LRRK2: variants seen among roughly 807,000 people sequenced by gnomAD.
The protein encoded by LRRK2 is leucine rich repeat kinase 2.
LRRK2 carries 203 observed loss-of-function variants against 302.6 expected under a neutral mutation model. The observed-to-expected ratio is 0.67, with a 90% confidence interval of 0.60 to 0.75. LRRK2 has a LOEUF of 0.75. LRRK2 is among the 30% of genes least tolerant of loss of function. The pLI is 0.00. For missense variants in LRRK2, 2,830 were observed against 2,951.0 expected (o/e 0.96, Z 0.95); for synonymous variants, 1,066 against 1,031.9 (o/e 1.03, Z -0.63).
At chr12:40,325,400 A>G (rs1163410846) in intron 38 of LRRK2, among the ~76,000 whole-genome samples, 1 of 152,238 alleles carries the variant, frequency 6.6e-6, no homozygotes, top group Non-Finnish European at 1.5e-5. Flanking sequence ...TCCCATGTTC[A>G]TTTACAGAAA....
intron 42 of LRRK2, 120 bp downstream of exon 42, chr12:40,347,043 C>G (rs1265923229): frequency 1.3e-6 from 1 of 752,430 alleles, no homozygotes; most frequent in African/African-American, 1.8e-5. Flanking sequence ...TTGTTTAGTG[C>G]ATAAATATTC....
At position 40,298,376 on chromosome 12, in the gene LRRK2, A is replaced by G. The variant is rs1242013129; in HGVS notation, c.3230A>G (p.Asp1077Gly). The change falls in exon 24 of 51, where the codon GAT becomes GGT. Residue 1077 changes from aspartate to glycine, a missense_variant. Asp to Gly is a moderately conservative substitution (Grantham distance 94, BLOSUM62 -1). This residue lies in a region of LRRK2 where 2,121 missense variants were observed against 2,148.0 expected (regional missense o/e 0.99). Coordinates refer to ENST00000298910, the MANE Select transcript of LRRK2 (RefSeq NM_198578.4). Reference protein sequence around the residue: ...RNDIGPSVVLDPTVKCPTLKQ... With the variant: ...RNDIGPSVVLGPTVKCPTLKQ... ...GACATTGGACCCTCAGTGGTTTTAG[A>G]TCCTACAGTGAAATGTCCAACTCTG... 2 of 1,613,946 alleles carry G rather than the reference A, an allele frequency of 1.2e-6. No individual in the cohort carries two copies. Among genetic ancestry groups the G allele is most frequent in the Non-Finnish European group, 1.7e-6 (2 of 1,179,958 alleles).
chr12:40,310,254 G>A (rs1021958734), intron 30 of LRRK2, among the ~76,000 whole-genome samples, 177 bp from the exon 31 acceptor site: 7 of 151,872 alleles, frequency 4.6e-5, no homozygotes, highest in African/African-American at 1.7e-4. Context: ...AATGTCGTAA[G>A]GTTACATTTT....
In LRRK2 at chr12:40,274,922, G is replaced by A. The variant is rs752380619; in HGVS notation, c.1870G>A (p.Gly624Arg). 17 of 1,613,624 alleles carry A rather than the reference G, an allele frequency of 1.1e-5. No homozygotes were observed. Among genetic ancestry groups the A allele is most frequent in the Middle Eastern group, 1.6e-4 (1 of 6,078 alleles). Reference protein sequence around the residue: ...ITKKNVFIGTGHLLAKILVSS... With the variant: ...ITKKNVFIGTRHLLAKILVSS... ...AAAGAAGAATGTGTTCATAGGAACT[G>A]GACATCTGCTGGCAAAAATTCTGGT... is the stretch of plus-strand genomic sequence containing the variant. The change falls in exon 16 of 51, where the codon GGA becomes AGA. Residue 624 changes from glycine to arginine, a missense_variant. Coordinates refer to ENST00000298910, the MANE Select transcript of LRRK2 (RefSeq NM_198578.4).
At chr12:40,365,974 A>T (rs1429400034) in intron 49 of LRRK2, 1 of 151,992 alleles carries the variant, frequency 6.6e-6, no homozygotes, top group Non-Finnish European at 1.5e-5. Flanking sequence ...AAGTTGTTGC[A>T]TTCTCTAGTT....
chr12:40,288,419 C>T (rs2136679350), intron 20 of LRRK2, among the ~76,000 whole-genome samples: 1 of 151,874 alleles, frequency 6.6e-6, no homozygotes, highest in African/African-American at 2.4e-5. Context: ...CATCCCCTTC[C>T]CCTGGCCCCC....
rs764408585 is a variant in LRRK2, at chr12:40,322,459, G to A, written c.5458G>A (p.Glu1820Lys). 8 of 1,613,106 alleles carry A rather than the reference G, an allele frequency of 5.0e-6. No homozygotes were observed. Among genetic ancestry groups the A allele is most frequent in the East Asian group, 2.2e-5 (1 of 44,850 alleles). The change falls in exon 37 of 51, where the codon GAA becomes AAA. Residue 1820 changes from glutamate (E) to lysine (K), a missense_variant. This residue lies in a region of LRRK2 where 2,121 missense variants were observed against 2,148.0 expected (regional missense o/e 0.99). Transcript: ENST00000298910. ...GGCATTATATAGTTTTAATGATGGT[G>A]AAGAACATCAAAAAATCTTACTTGA... ...KWALYSFNDG[E>K]EHQKILLDDL... is the part of the protein sequence containing the mutation.
chr12:40,271,486 A>C (rs1197801320), intron 14 of LRRK2, among the ~76,000 whole-genome samples: 1 of 152,160 alleles, frequency 6.6e-6, no homozygotes, highest in Admixed American at 6.6e-5. Flanking sequence ...AGAGTAAAAA[A>C]GCATAGGTGG....
intron 39 of LRRK2, among the ~76,000 whole-genome samples, chr12:40,332,675 G>A (rs1440859943): frequency 6.6e-6 from 1 of 152,122 alleles, no homozygotes; most frequent in Non-Finnish European, 1.5e-5. Context: ...CAGTCACACT[G>A]TAGTTCTAGA....
chr12:40,233,173 C>T (rs1370200966), intron 3 of LRRK2, among the ~76,000 whole-genome samples: 1 of 152,160 alleles, frequency 6.6e-6, no homozygotes, highest in Non-Finnish European at 1.5e-5. Flanking sequence ...GCCGAGATTG[C>T]ACCACTGCAC....
rs35333613 is a variant in LRRK2, at chr12:40,228,433, C to CTTT, written c.237+2813_237+2815dup. On this transcript the variant is annotated intron_variant, in intron 2 of 50. Transcript: ENST00000298910. ...ATCTTTTGTCCATTTAAAAATAAGACTTTTTTTTTTTTTTTTTTTTTTGCT... is the reference window on the plus strand; with the variant it reads ...ATCTTTTGTCCATTTAAAAATAAGACTTTTTTTTTTTTTTTTTTTTTTTTTGCT... 2.4e-3 allele frequency among the ~76,000 whole-genome samples: 47 copies of CTTT among 19,300 alleles called. 2 individuals carry two copies. The highest frequency in any genetic ancestry group is 7.5e-3 in the African/African-American group (30 of 3,998). 12.7% of individuals were successfully genotyped at this position (19,300 alleles called of 152,430 possible).
intron 33 of LRRK2, 44 bp downstream of exon 33, chr12:40,315,344 C>T (rs1405465083): frequency 6.8e-6 from 10 of 1,469,364 alleles, no homozygotes; most frequent in African/African-American, 1.4e-5. Flanking sequence ...ATGGTCAAAG[C>T]ATAGAACAGA....
intron 11 of LRRK2, among the ~76,000 whole-genome samples, chr12:40,253,807 A>G (rs1199283926): frequency 6.6e-6 from 1 of 152,260 alleles, no homozygotes; most frequent in Non-Finnish European, 1.5e-5. Flanking sequence ...AGTAAACACC[A>G]GTGATCACTT....
chr12:40,325,698 A>T (rs7298930), intron 38 of LRRK2, among the ~76,000 whole-genome samples: 2 of 152,006 alleles, frequency 1.3e-5, no homozygotes, highest in African/African-American at 4.8e-5. Context: ...TTTATATTAG[A>T]GTAATCTGGA....
rs558353753 is a variant in LRRK2 at position 40,337,258 on chromosome 12, G to A, written c.5948+2101G>A. Among the ~76,000 whole-genome samples the A allele has an allele frequency of 3.9e-5, 6 of 152,312 alleles. 1 individual carries two copies. The South Asian group carries it at 1.2e-3, about 32-fold the overall frequency. On this transcript the variant is annotated intron_variant, in intron 40 of 50. Coordinates refer to ENST00000298910, the MANE Select transcript of LRRK2 (RefSeq NM_198578.4). ...GTCCCTTAAATGCTGGAGCTGTTTA[G>A]AGTGACATACAAGAACTTTCTTCAC...
In LRRK2 at chr12:40,298,302, T is replaced by A. The variant is rs754518627; in HGVS notation, c.3156T>A (p.Ser1052=). 6 of 1,613,592 alleles carry A rather than the reference T, an allele frequency of 3.7e-6. No homozygotes were observed. The highest frequency in any genetic ancestry group is 2.2e-5 in the South Asian group (2 of 91,076). ...LHSNKFTSFP[S]YLLKMSCIAN... is the part of the protein sequence containing the mutation. ...GTAATAAATTTACATCATTTCCTTC[T>A]TATTTGTTGAAAATGAGTTGTATTG... is the stretch of plus-strand genomic sequence containing the variant. Residue 1052 remains serine, a synonymous_variant, in exon 24 of 51, where the codon TCT becomes TCA. Coordinates refer to ENST00000298910, the MANE Select transcript of LRRK2 (RefSeq NM_198578.4).
At chr12:40,244,300 A>G (rs1292376914) in intron 7 of LRRK2, among the ~76,000 whole-genome samples, 1 of 152,028 alleles carries the variant, frequency 6.6e-6, no homozygotes, top group Non-Finnish European at 1.5e-5. Context: ...GTCTTCTGCA[A>G]TTTTCAAATA....
rs189462684 is a variant in LRRK2, at chr12:40,319,435, A to G, written c.4828-553A>G. On this transcript the variant is annotated intron_variant, in intron 33 of 50. Transcript: ENST00000298910. ...TTAGAAACATCGGGGTTGCTCTTTA[A>G]AAAAGCCGATTCTCAGGCCTCAACC... is the stretch of plus-strand genomic sequence containing the variant. Among the ~76,000 whole-genome samples, 779 of 152,184 alleles carry G rather than the reference A, an allele frequency of 5.1e-3. 10 individuals carry two copies. Among genetic ancestry groups the G allele is most frequent in the African/African-American group, 0.018 (743 of 41,536 alleles).
intron 39 of LRRK2, among the ~76,000 whole-genome samples, chr12:40,334,630 T>C (rs1392729019): frequency 6.6e-6 from 1 of 152,172 alleles, no homozygotes; most frequent in African/African-American, 2.4e-5. Flanking sequence ...ATAAAGGTCT[T>C]CACCCTCATC....
Sources: allele counts gnomAD v4.1 joint callset (sites outside exome capture counted in the v4.1 genomes callset), GRCh38; gene constraint gnomAD v4.1.1; regional missense constraint gnomAD v4.1.1; transcripts MANE v1.5; gene names NCBI Gene and HGNC (gene_info 2026-07-23, HGNC 2026-07-21).